Variants in LRRC58 observed in about 807,000 individuals in gnomAD.
LRRC58 encodes leucine rich repeat containing 58.
LRRC58 carries 18 observed loss-of-function variants against 30.6 expected under a neutral mutation model. The ratio of observed to expected loss-of-function variants is 0.59; its 90% CI spans 0.41 to 0.87. The LOEUF is 0.87. Among genes scored for constraint, LRRC58 ranks in the 40% least tolerant of loss-of-function variants. LRRC58 has a pLI of 0.00. For missense variants in LRRC58, 420 were observed against 468.4 expected (o/e 0.90, Z 0.95); for synonymous variants, 221 against 206.0 (o/e 1.07, Z -0.62).
intron 1 of LRRC58, among the ~76,000 whole-genome samples, chr3:120,341,400 T>C (rs751188341): frequency 6.6e-6 from 1 of 151,940 alleles, no homozygotes; most frequent in Non-Finnish European, 1.5e-5. Context: ...TAACTTGCAA[T>C]ATAGTCTAGA....
chr3:120,335,790 T>G, intron 2 of LRRC58, 35 bp downstream of exon 2: 1 of 1,561,056 alleles, frequency 6.4e-7, no homozygotes, highest in Non-Finnish European at 8.8e-7. Flanking sequence ...TAAGCATAGA[T>G]GTCTGCGTAT....
At chr3:120,333,286 T>C (rs1935784099) in intron 3 of LRRC58, among the ~76,000 whole-genome samples, 1 of 152,146 alleles carries the variant, frequency 6.6e-6, no homozygotes, top group Non-Finnish European at 1.5e-5. Flanking sequence ...GAAAAGAGAA[T>C]TCCTGTAGAG....
At chr3:120,334,761 T>G (rs1935810973) in intron 3 of LRRC58, 101 bp downstream of exon 3, 16 of 1,099,632 alleles carry the variant, frequency 1.5e-5, no homozygotes, top group Non-Finnish European at 2.0e-5. Context: ...AGTGAAAAAA[T>G]AAAGGGAACA....
intron 1 of LRRC58, among the ~76,000 whole-genome samples, chr3:120,345,651 G>A (rs971097898): frequency 1.3e-5 from 2 of 152,252 alleles, no homozygotes; most frequent in Admixed American, 6.5e-5. Context: ...GGGATGAATC[G>A]GGTCACTGCC....
Position 120,328,609 on chromosome 3 carries a change from CTT to C in LRRC58, c.*2589_*2590del, listed in dbSNP as rs910594351. The C allele has an allele frequency of 6.6e-6, 1 of 152,162 alleles. No homozygotes were observed. The highest frequency in any genetic ancestry group is 6.5e-5 in the Admixed American group (1 of 15,268). The allele number at this position is 152,162 out of a possible 1,614,324, so 9.4% of individuals were successfully genotyped here. The stretch of plus-strand genomic sequence containing the variant: ...ATGACTTAAGAACTAAAGAGACAGA[CTT>C]ATTTTAAATGCATAGTTAGCTACAT... On this transcript the variant is annotated 3_prime_UTR_variant, in exon 4 of 4. Coordinates refer to ENST00000295628, the MANE Select transcript of LRRC58 (RefSeq NM_001099678.2).
At chr3:120,335,976 C>G in intron 1 of LRRC58, 23 bp from the exon 2 acceptor site, 3 of 1,504,784 alleles carry the variant, frequency 2.0e-6, no homozygotes, top group Non-Finnish European at 1.8e-6. Flanking sequence ...ATGAACAAAA[C>G]CAAAAAAGTA....
Position 120,349,320 on chromosome 3 carries a change from G to T in LRRC58, c.-77C>A. ...GTCCAGAGGCCGGGAGCTCTGCGGC[G>T]CCCCGGAACCTGAACCGAGGGCTGA... On this transcript the variant is annotated 5_prime_UTR_variant, in exon 1 of 4. Coordinates refer to ENST00000295628, the MANE Select transcript of LRRC58 (RefSeq NM_001099678.2). 4.6e-6 allele frequency: 6 copies of T among 1,306,574 alleles called. No homozygotes were observed. Among genetic ancestry groups the T allele is most frequent in the Non-Finnish European group, 4.9e-6 (5 of 1,024,746 alleles). The allele number at this position is 1,306,574 out of a possible 1,614,324, so 80.9% of individuals were successfully genotyped here.
chr3:120,344,985 C>T (rs1227086857), intron 1 of LRRC58, among the ~76,000 whole-genome samples: 3 of 152,158 alleles, frequency 2.0e-5, no homozygotes, highest in Non-Finnish European at 1.5e-5. Context: ...AAAGTAACTA[C>T]ATCCACAACC....
intron 1 of LRRC58, among the ~76,000 whole-genome samples, chr3:120,341,002 T>C (rs1935898451): frequency 6.6e-6 from 1 of 152,232 alleles, no homozygotes; most frequent in African/African-American, 2.4e-5. Flanking sequence ...TTAAAATGTT[T>C]AGAAAAAGTA....
chr3:120,330,879 A>T lies in LRRC58; in HGVS notation c.*321T>A. On this transcript the variant is annotated 3_prime_UTR_variant, in exon 4 of 4. Coordinates refer to ENST00000295628, the MANE Select transcript of LRRC58 (RefSeq NM_001099678.2). ...CTCCATCTCAATGTCCAAAAGTTATACTACTCATGACTTATTGCAGAACTG... is the reference window on the plus strand; with the variant it reads ...CTCCATCTCAATGTCCAAAAGTTATTCTACTCATGACTTATTGCAGAACTG... 3.1e-6 allele frequency: 1 copy of T among 323,768 alleles called. No homozygotes were observed. Among genetic ancestry groups the T allele is most frequent in the Non-Finnish European group, 5.9e-6 (1 of 169,762 alleles). 20.1% of individuals were successfully genotyped at this position (323,768 alleles called of 1,614,324 possible).
Position 120,326,675 on chromosome 3 carries a change from G to A in LRRC58, c.*4525C>T, listed in dbSNP as rs1428307403. On this transcript the variant is annotated 3_prime_UTR_variant, in exon 4 of 4. Coordinates refer to ENST00000295628, the MANE Select transcript of LRRC58 (RefSeq NM_001099678.2). ...CTAAATGGGGAGTAACATTCATAATGACAATAAAATCTCTACCTCTGGATG... is the reference window on the plus strand; with the variant it reads ...CTAAATGGGGAGTAACATTCATAATAACAATAAAATCTCTACCTCTGGATG... The A allele has an allele frequency of 6.6e-6, 1 of 152,134 alleles. No individual in the cohort carries two copies. The highest frequency in any genetic ancestry group is 1.5e-5 in the Non-Finnish European group (1 of 68,016). The allele number at this position is 152,134 out of a possible 1,614,324, so 9.4% of individuals were successfully genotyped here.
Position 120,327,545 on chromosome 3 carries a change from C to T in LRRC58, c.*3655G>A, listed in dbSNP as rs1288970257. 3 of 152,292 alleles carry T rather than the reference C, an allele frequency of 2.0e-5. No individual in the cohort carries two copies. The highest frequency in any genetic ancestry group is 4.8e-5 in the African/African-American group (2 of 41,558). The allele number at this position is 152,292 out of a possible 1,614,324, so 9.4% of individuals were successfully genotyped here. A position where few individuals can be genotyped will look rare whatever the true frequency, so the allele number is the denominator to read the frequency against. On this transcript the variant is annotated 3_prime_UTR_variant, in exon 4 of 4. Transcript: ENST00000295628. ...CTGGGATTACAAGCGTGAGCCACCA[C>T]GCCCGGCCAAGATTTCTTTAACACT...
In LRRC58 at chr3:120,349,113, TCCCGCGCCCCGCGCCGCTCCTCCC is replaced by T. The variant is rs1173487944; in HGVS notation, c.107_130del (p.Gly36_Arg43del). ...AGGCAGCAGCAGCCGCAGCAGCGCC[TCCCGCGCCCCGCGCCGCTCCTCCC>T]CCCGCGCCTCCAGCTCAGACTCCAG... On this transcript the variant is annotated inframe_deletion, in exon 1 of 4. Coordinates refer to ENST00000295628, the MANE Select transcript of LRRC58 (RefSeq NM_001099678.2). 4 of 1,509,054 alleles carry T rather than the reference TCCCGCGCCCCGCGCCGCTCCTCCC, an allele frequency of 2.7e-6. No homozygotes were observed. In the African/African-American group the frequency reaches 4.3e-5, roughly 16 times the overall value. 93.5% of individuals were successfully genotyped at this position (1,509,054 alleles called of 1,614,324 possible). A position where few individuals can be genotyped will look rare whatever the true frequency, so the allele number is the denominator to read the frequency against.
chr3:120,349,336 C>T lies in LRRC58; in HGVS notation c.-93G>A, dbSNP rs867442882. 68 of 1,262,068 alleles carry T rather than the reference C, an allele frequency of 5.4e-5. No homozygotes were observed. In the Middle Eastern group the frequency reaches 8.7e-4, roughly 16 times the overall value. The allele number at this position is 1,262,068 out of a possible 1,614,324, so 78.2% of individuals were successfully genotyped here. A position where few individuals can be genotyped will look rare whatever the true frequency, so the allele number is the denominator to read the frequency against. On this transcript the variant is annotated 5_prime_UTR_variant, in exon 1 of 4. Transcript: ENST00000295628. ...CTCTGCGGCGCCCCGGAACCTGAAC[C>T]GAGGGCTGAGTCGGAAGTGGCGCGG...
At chr3:120,342,027 G>T (rs911969988) in intron 1 of LRRC58, among the ~76,000 whole-genome samples, 5 of 152,068 alleles carry the variant, frequency 3.3e-5, no homozygotes, top group African/African-American at 1.2e-4. Context: ...CCCCAGGAAG[G>T]ATCCCCCCAA....
Position 120,325,226 on chromosome 3 carries a change from A to G in LRRC58, c.*5974T>C, listed in dbSNP as rs1022891491. On this transcript the variant is annotated 3_prime_UTR_variant, in exon 4 of 4. Coordinates refer to ENST00000295628, the MANE Select transcript of LRRC58 (RefSeq NM_001099678.2). ...AGTTAGTGAAAGGATTCTCTTAAAC[A>G]TAAGCGGTAGACATAATTAACCAAT... The G allele has an allele frequency of 6.6e-6, 1 of 152,258 alleles. No individual in the cohort carries two copies. 9.4% of individuals were successfully genotyped at this position (152,258 alleles called of 1,614,324 possible). A position where few individuals can be genotyped will look rare whatever the true frequency, so the allele number is the denominator to read the frequency against.
rs1935740211 is a variant in LRRC58 at position 120,330,538 on chromosome 3, A to T, written c.*662T>A. The T allele has an allele frequency of 6.6e-6, 1 of 152,204 alleles. No individual in the cohort carries two copies. The highest frequency in any genetic ancestry group is 2.4e-5 in the African/African-American group (1 of 41,454). 9.4% of individuals were successfully genotyped at this position (152,204 alleles called of 1,614,324 possible). ...ACTATAACAGTCATTGCTAGATTAC[A>T]TAAGGTTAATAGCAATCATATAGAA... On this transcript the variant is annotated 3_prime_UTR_variant, in exon 4 of 4. Coordinates refer to ENST00000295628, the MANE Select transcript of LRRC58 (RefSeq NM_001099678.2).
intron 3 of LRRC58, among the ~76,000 whole-genome samples, chr3:120,333,600 A>C (rs997722501): frequency 6.6e-6 from 1 of 152,240 alleles, no homozygotes; most frequent in African/African-American, 2.4e-5. Context: ...ACTGCCAGAG[A>C]AAGTCTCACC....
chr3:120,348,812 C>T lies in LRRC58; in HGVS notation c.432G>A (p.Ala144=), dbSNP rs367760454. The T allele has an allele frequency of 1.2e-6, 2 of 1,607,316 alleles. No homozygotes were observed. The highest frequency in any genetic ancestry group is 1.7e-6 in the Non-Finnish European group (2 of 1,177,674). ...TGCCGCCCAGGCTCAGGGTCTGCAG[C>T]GCGCGCAGCTCTAAGAGCGAGGCAG... ...EVPASLLELR[A]LQTLSLGGNQ... The change falls in exon 1 of 4, where the codon GCG becomes GCA. Residue 144 remains alanine, a synonymous_variant. Coordinates refer to ENST00000295628, the MANE Select transcript of LRRC58 (RefSeq NM_001099678.2).
Sources: allele counts gnomAD v4.1 joint callset (sites outside exome capture counted in the v4.1 genomes callset), GRCh38; gene constraint gnomAD v4.1.1; transcripts MANE v1.5; gene names NCBI Gene and HGNC (gene_info 2026-07-23, HGNC 2026-07-21).